Variants in TYW1 observed in about 807,000 individuals in gnomAD.
TYW1 encodes the protein S-adenosyl-L-methionine-dependent tRNA 4-demethylwyosine synthase TYW1.
TYW1 carries 46 observed loss-of-function variants against 96.2 expected under a neutral mutation model. The ratio of observed to expected loss-of-function variants is 0.48; its 90% CI spans 0.38 to 0.61. TYW1 has a LOEUF of 0.61. Among genes scored for constraint, TYW1 ranks in the 20% least tolerant of loss-of-function variants. The pLI is 0.00. For missense variants in TYW1, 684 were observed against 909.6 expected (o/e 0.75, Z 3.19); for synonymous variants, 274 against 323.0 (o/e 0.85, Z 1.63).
At chr7:67,170,872 G>T (rs1425378612) in intron 13 of TYW1, among the ~76,000 whole-genome samples, 1 of 152,176 alleles carries the variant, frequency 6.6e-6, no homozygotes, top group Non-Finnish European at 1.5e-5. Context: ...CATCATAAGG[G>T]ATTGGATTAT....
intron 13 of TYW1, among the ~76,000 whole-genome samples, chr7:67,131,479 C>A (rs1482379612): frequency 6.6e-6 from 1 of 152,156 alleles, no homozygotes; most frequent in East Asian, 1.9e-4. Context: ...TATCATACTT[C>A]TTTTCCTTCT....
At chr7:67,057,530 G>A (rs1795560029) in intron 9 of TYW1, among the ~76,000 whole-genome samples, 1 of 152,010 alleles carries the variant, frequency 6.6e-6, no homozygotes, top group Non-Finnish European at 1.5e-5. Flanking sequence ...GCCCAGCTAA[G>A]TTTTGAATTT....
chr7:67,044,118 T>G (rs536183628), intron 7 of TYW1, among the ~76,000 whole-genome samples: 2 of 140,660 alleles, frequency 1.4e-5, no homozygotes, highest in East Asian at 5.5e-4. Flanking sequence ...AGAGTTTTTT[T>G]TTTTTTTTTT....
intron 13 of TYW1, among the ~76,000 whole-genome samples, chr7:67,154,715 ATCTC>A (rs149442763): frequency 0.096 from 14,634 of 152,018 alleles, 786 homozygotes; most frequent in Middle Eastern, 0.15. Context: ...CTGGTTGTCT[ATCTC>A]TCTCTCTCAA....
intron 13 of TYW1, among the ~76,000 whole-genome samples, chr7:67,125,385 G>A (rs927954173): frequency 7.3e-6 from 1 of 137,136 alleles, no homozygotes; most frequent in Non-Finnish European, 1.6e-5. Context: ...AAGGTAGGGG[G>A]TCTGGATTTT....
At chr7:67,181,066 C>T (rs1799826579) in intron 13 of TYW1, among the ~76,000 whole-genome samples, 1 of 151,614 alleles carries the variant, frequency 6.6e-6, no homozygotes, top group Non-Finnish European at 1.5e-5. Flanking sequence ...GTTTGATTTG[C>T]TCATTCTGTT....
At chr7:67,214,227 G>T (rs1801135066) in intron 15 of TYW1, among the ~76,000 whole-genome samples, 1 of 151,884 alleles carries the variant, frequency 6.6e-6, no homozygotes, top group South Asian at 2.1e-4. Flanking sequence ...TATATGTTTT[G>T]TTAGATTTAT....
intron 11 of TYW1, among the ~76,000 whole-genome samples, chr7:67,087,704 T>C (rs1262718307): frequency 6.6e-6 from 1 of 152,144 alleles, no homozygotes; most frequent in Non-Finnish European, 1.5e-5. Context: ...AGAGTGGAAC[T>C]GGTTAATATT....
intron 10 of TYW1, among the ~76,000 whole-genome samples, chr7:67,073,595 C>A (rs1243763474): frequency 6.6e-6 from 1 of 151,006 alleles, no homozygotes; most frequent in African/African-American, 2.4e-5. Context: ...CAGAGGGAAA[C>A]CCCGTCTCTA....
chr7:67,139,199 A>C (rs1798364108), intron 13 of TYW1, among the ~76,000 whole-genome samples: 1 of 152,050 alleles, frequency 6.6e-6, no homozygotes, highest in African/African-American at 2.4e-5. Flanking sequence ...CTACAGGTGC[A>C]CGCCGCCACA....
At chr7:67,213,622 A>G (rs1303934145) in intron 15 of TYW1, among the ~76,000 whole-genome samples, 1 of 152,182 alleles carries the variant, frequency 6.6e-6, no homozygotes, top group Admixed American at 6.5e-5. Flanking sequence ...AAGGTCACCT[A>G]GATTTCCTCC....
intron 13 of TYW1, among the ~76,000 whole-genome samples, chr7:67,158,584 TCTG>T: frequency 6.6e-6 from 1 of 152,074 alleles, no homozygotes; most frequent in South Asian, 2.1e-4. Flanking sequence ...ATTATTTTTT[TCTG>T]GAGACGGAGT....
rs1471574988 is a variant in TYW1, at chr7:67,023,545, G to A, written c.862-1355G>A. ...CAATTTGGGAGGCTGAGGCGGGCGC[G>A]TCACCTGAGGTCAAGAGTCTGAGAC... is the stretch of plus-strand genomic sequence containing the variant. On this transcript the variant is annotated intron_variant, in intron 6 of 15. Coordinates refer to ENST00000359626, the MANE Select transcript of TYW1 (RefSeq NM_018264.4). 5.3e-5 allele frequency among the ~76,000 whole-genome samples: 8 copies of A among 152,074 alleles called. No homozygotes were observed. The East Asian group carries it at 1.5e-3, about 29-fold the overall frequency.
At chr7:67,125,406 G>A in intron 13 of TYW1, among the ~76,000 whole-genome samples, 1 of 151,048 alleles carries the variant, frequency 6.6e-6, no homozygotes, top group Non-Finnish European at 1.5e-5. Flanking sequence ...TTTTTTTAAT[G>A]GACTTTATAT....
At chr7:67,029,999 C>G (rs556124617) in intron 7 of TYW1, among the ~76,000 whole-genome samples, 2 of 152,172 alleles carry the variant, frequency 1.3e-5, no homozygotes, top group African/African-American at 2.4e-5. Flanking sequence ...AAGAGATACT[C>G]TGGGGAGTGG....
intron 15 of TYW1, among the ~76,000 whole-genome samples, chr7:67,200,999 A>G (rs138305088): frequency 0.016 from 2,384 of 152,208 alleles, 31 homozygotes; most frequent in Admixed American, 0.044. Context: ...CACAGATAGC[A>G]TTGAATGGCA....
At chr7:67,211,723 G>A (rs1801032122) in intron 15 of TYW1, among the ~76,000 whole-genome samples, 1 of 152,126 alleles carries the variant, frequency 6.6e-6, no homozygotes, top group Non-Finnish European at 1.5e-5. Context: ...CCCACCCTCA[G>A]CCATCCATTT....
At chr7:67,157,793 G>T (rs1799032313) in intron 13 of TYW1, among the ~76,000 whole-genome samples, 1 of 152,096 alleles carries the variant, frequency 6.6e-6, no homozygotes, top group Admixed American at 6.6e-5. Flanking sequence ...GGACTGGTCA[G>T]GTATTTTGTA....
At chr7:67,220,450 G>A (rs1260606293) in intron 15 of TYW1, among the ~76,000 whole-genome samples, 2 of 152,056 alleles carry the variant, frequency 1.3e-5, no homozygotes, top group Admixed American at 6.5e-5. Flanking sequence ...TGATCCGCCT[G>A]CCTTGGCCTC....
Sources: allele counts gnomAD v4.1 joint callset (sites outside exome capture counted in the v4.1 genomes callset), GRCh38; gene constraint gnomAD v4.1.1; transcripts MANE v1.5; gene names NCBI Gene and HGNC (gene_info 2026-07-23, HGNC 2026-07-21).